The following PLEKHM2 variants were observed in gnomAD, a reference collection of about 807,000 sequenced individuals.
The protein encoded by PLEKHM2 is pleckstrin homology domain-containing family M member 2.
PLEKHM2 carries 77 observed loss-of-function variants against 116.3 expected under a neutral mutation model. That is an observed-to-expected ratio of 0.66 (90% CI 0.55 to 0.80). The LOEUF is 0.80. Ranked by LOEUF, PLEKHM2 falls within the 30% of genes least tolerant of loss-of-function variation. PLEKHM2 has a pLI of 0.00. For synonymous variants in PLEKHM2, 562 were observed against 571.0 expected, an observed-to-expected ratio of 0.98 and a Z score of 0.22; for missense variants, 1,183 against 1,354.9, an observed-to-expected ratio of 0.87 and a Z score of 1.99.
At chr1:15,710,839 G>A (rs1020498002) in intron 1 of PLEKHM2, among the ~76,000 whole-genome samples, 3 of 152,232 alleles carry the variant, frequency 2.0e-5, no homozygotes, top group Non-Finnish European at 4.4e-5. Context: ...CCAGCAGGCT[G>A]AGGTGAGAGG....
rs1014117394 is a variant in PLEKHM2, at chr1:15,728,575, C to A, written c.1922-94C>A. 8.5e-7 allele frequency: 1 copy of A among 1,181,174 alleles called. No individual in the cohort carries two copies. The highest frequency in any genetic ancestry group is 2.0e-5 in the Admixed American group (1 of 49,610). The allele number at this position is 1,181,174 out of a possible 1,614,324, so 73.2% of individuals were successfully genotyped here. A position where few individuals can be genotyped will look rare whatever the true frequency, so the allele number is the denominator to read the frequency against. ...TCTCCTACTGCAGGGCAAGGAGAGG[C>A]CCTCTAAGAGAGGGGGCTGTGTCTA... On this transcript the variant is annotated intron_variant, in intron 11 of 19. Transcript: ENST00000375799. This position sits in a 1 kb window ranked among gnomAD's most constrained non-coding sequence, Gnocchi z 5.9.
chr1:15,714,377 C>T (rs1244561195), intron 1 of PLEKHM2, among the ~76,000 whole-genome samples: 3 of 151,426 alleles, frequency 2.0e-5, no homozygotes, highest in Non-Finnish European at 4.4e-5. Context: ...AAAGCTCTAC[C>T]CCAGTGTGGT....
rs1466506194 is a variant in PLEKHM2 at position 15,729,221 on chromosome 1, T to C, written c.2075+31T>C. On this transcript the variant is annotated intron_variant, in intron 13 of 19. Transcript: ENST00000375799. The surrounding 1 kb of genome is among the most constrained non-coding windows in gnomAD (Gnocchi z 4.7). ...TGGCAACCCCGCCCCTCTGGAAGGA[T>C]TGGAGAGTTCGCAGCCGCCCATAGG... 2 of 1,585,350 alleles carry C rather than the reference T, an allele frequency of 1.3e-6. No homozygotes were observed. The highest frequency in any genetic ancestry group is 1.7e-6 in the Non-Finnish European group (2 of 1,162,494).
In PLEKHM2 at chr1:15,721,097, C is replaced by A; in HGVS notation, c.653-232C>A. 2.0e-6 allele frequency: 1 copy of A among 493,028 alleles called. No individual in the cohort carries two copies. Among genetic ancestry groups the A allele is most frequent in the African/African-American group, 2.0e-5 (1 of 50,740 alleles). The allele number at this position is 493,028 out of a possible 1,614,324, so 30.5% of individuals were successfully genotyped here. On this transcript the variant is annotated intron_variant, in intron 6 of 19. Transcript: ENST00000375799. The surrounding 1 kb of genome is among the most constrained non-coding windows in gnomAD (Gnocchi z 5.1). ...CCAGCTTCTGGATGTGGAAAGGGGT[C>A]ACCCTGACAGGTCTTTCCAGCTGGT... is the stretch of plus-strand genomic sequence containing the variant.
At chr1:15,711,664 T>A (rs1421557663) in intron 1 of PLEKHM2, among the ~76,000 whole-genome samples, 1 of 151,140 alleles carries the variant, frequency 6.6e-6, no homozygotes, top group African/African-American at 2.4e-5. Flanking sequence ...AATCTTACAT[T>A]GGGAAAAATG....
chr1:15,705,749 G>A (rs546456715), intron 1 of PLEKHM2, among the ~76,000 whole-genome samples: 8 of 152,218 alleles, frequency 5.3e-5, no homozygotes, highest in South Asian at 2.1e-4. Flanking sequence ...CTCCTAACCA[G>A]CCTCTGCCTC....
intron 19 of PLEKHM2, among the ~76,000 whole-genome samples, chr1:15,733,040 A>G (rs916374668): frequency 2.6e-5 from 4 of 152,098 alleles, no homozygotes; most frequent in African/African-American, 7.2e-5. Flanking sequence ...GGGCCCTGGG[A>G]GGTGGGTGTG....
intron 1 of PLEKHM2, among the ~76,000 whole-genome samples, chr1:15,715,320 A>T (rs1392365433): frequency 6.6e-6 from 1 of 152,226 alleles, no homozygotes; most frequent in Admixed American, 6.5e-5. Context: ...ACTGCACTCC[A>T]GCCTGCATGA....
Position 15,719,387 on chromosome 1 carries a change from A to C in PLEKHM2, c.466-347A>C, listed in dbSNP as rs1289446690. 1.3e-5 allele frequency among the ~76,000 whole-genome samples: 2 copies of C among 151,930 alleles called. No individual in the cohort carries two copies. Among genetic ancestry groups the C allele is most frequent in the African/African-American group, 4.8e-5 (2 of 41,372 alleles). ...GAATCGCTCGAACCCGGGAGGTGGA[A>C]GTTGCAGTGAGCCGAGCCACGTCAT... On this transcript the variant is annotated intron_variant, in intron 5 of 19. Transcript: ENST00000375799. The surrounding 1 kb of genome is among the most constrained non-coding windows in gnomAD (Gnocchi z 4.1).
intron 6 of PLEKHM2, chr1:15,720,600 A>G (rs2148362140): frequency 2.6e-6 from 1 of 384,672 alleles, no homozygotes; most frequent in Non-Finnish European, 3.6e-6. Flanking sequence ...TATCTCCTGT[A>G]GGAGACCAGA....
chr1:15,703,437 G>A (rs1374440678), intron 1 of PLEKHM2, among the ~76,000 whole-genome samples: 2 of 152,206 alleles, frequency 1.3e-5, no homozygotes, highest in Non-Finnish European at 2.9e-5. Flanking sequence ...TGACAGCAGA[G>A]TTAGAATCCA....
In PLEKHM2 at chr1:15,729,321, T is replaced by C; in HGVS notation, c.2075+131T>C. ...GAGGGGAAACCAGATGTATTCCCTCTGGAACCTGCATCTGCTCAGAGAGGC... is the reference window on the plus strand; with the variant it reads ...GAGGGGAAACCAGATGTATTCCCTCCGGAACCTGCATCTGCTCAGAGAGGC... On this transcript the variant is annotated intron_variant, in intron 13 of 19. Coordinates refer to ENST00000375799, the MANE Select transcript of PLEKHM2 (RefSeq NM_015164.4). The surrounding 1 kb of genome is among the most constrained non-coding windows in gnomAD (Gnocchi z 4.7). The C allele has an allele frequency of 4.0e-6, 3 of 751,044 alleles. No homozygotes were observed. The highest frequency in any genetic ancestry group is 1.6e-5 in the South Asian group (1 of 63,772). 46.5% of individuals were successfully genotyped at this position (751,044 alleles called of 1,614,324 possible). A position where few individuals can be genotyped will look rare whatever the true frequency, so the allele number is the denominator to read the frequency against.
chr1:15,732,777 G>C, intron 19 of PLEKHM2, 49 bp downstream of exon 19: 2 of 1,267,138 alleles, frequency 1.6e-6, no homozygotes, highest in Non-Finnish European at 2.2e-6. Flanking sequence ...TGTGGAGTGG[G>C]AGCCACTCCC....
chr1:15,684,281 C>G (rs1182185820), upstream of PLEKHM2: 2 of 153,078 alleles, frequency 1.3e-5, no homozygotes, highest in East Asian at 3.9e-4. Flanking sequence ...TGGCGCCGCC[C>G]CGCCTGACAT....
At chr1:15,685,541 G>GAAAAAAAAAAAAAAAAAAAAA (rs200301672) in intron 1 of PLEKHM2, among the ~76,000 whole-genome samples, 129 of 72,792 alleles carry the variant, frequency 1.8e-3, no homozygotes, top group Middle Eastern at 0.015. Context: ...CTCAGAAACT[G>GAAAAAAAAAAAAAAAAAAAAA]AAAAAAAAAA....
At chr1:15,702,480 A>G (rs1049560169) in intron 1 of PLEKHM2, among the ~76,000 whole-genome samples, 1 of 151,960 alleles carries the variant, frequency 6.6e-6, no homozygotes, top group African/African-American at 2.4e-5. Context: ...CAGTGGCACA[A>G]TCTCAGCTCA....
Position 15,732,007 on chromosome 1 carries a change from G to A in PLEKHM2, c.2584G>A (p.Ala862Thr), listed in dbSNP as rs1442651428. The A allele has an allele frequency of 1.2e-6, 2 of 1,612,448 alleles. No homozygotes were observed. Among genetic ancestry groups the A allele is most frequent in the South Asian group, 2.2e-5 (2 of 91,074 alleles). Residue 862 changes from alanine to threonine, a missense_variant, in exon 17 of 20, where the codon GCC becomes ACC. Coordinates refer to ENST00000375799, the MANE Select transcript of PLEKHM2 (RefSeq NM_015164.4). ...ELSAESEAEMAEWMQHLCQAV... is the reference protein window; with the variant it reads ...ELSAESEAEMTEWMQHLCQAV... ...AAGTGCCGAGAGCGAGGCCGAGATG[G>A]CCGAGTGGATGCAGCATCTCTGCCA...
Position 15,717,880 on chromosome 1 carries a change from C to T in PLEKHM2, c.278-13C>T, listed in dbSNP as rs371787019. ...GAGGCCTTCCTGCCGGTTACTCCTG[C>T]CTTTGTTTGCAGGCCGTGCCTGGCT... is the stretch of plus-strand genomic sequence containing the variant. On this transcript the variant is annotated splice_polypyrimidine_tract_variant and intron_variant, in intron 3 of 19. Transcript: ENST00000375799. 22 of 1,557,462 alleles carry T rather than the reference C, an allele frequency of 1.4e-5. No individual in the cohort carries two copies. In the African/African-American group the frequency reaches 3.0e-4, roughly 21 times the overall value.
rs1299409518 is a variant in PLEKHM2 at position 15,733,876 on chromosome 1, C to T, written c.3002C>T (p.Ala1001Val). Reference protein sequence around the residue: ...FEDALSLIHSAWQRSDSLCRG... With the variant: ...FEDALSLIHSVWQRSDSLCRG... ...GATGCCTTGAGCCTCATCCACAGCG[C>T]CTGGCAGCGGAGCGACAGTCTCTGC... The change falls in exon 20 of 20, where the codon GCC becomes GTC. Residue 1001 changes from alanine to valine, a missense_variant. Coordinates refer to ENST00000375799, the MANE Select transcript of PLEKHM2 (RefSeq NM_015164.4). 4 of 1,612,908 alleles carry T rather than the reference C, an allele frequency of 2.5e-6. No homozygotes were observed. In the African/African-American group the frequency reaches 4.0e-5, roughly 16 times the overall value.
Sources: gnomAD v4.1 joint callset for allele counts (sites outside exome capture counted in the v4.1 genomes callset) on GRCh38, gnomAD v4.1.1 for gene constraint, Gnocchi (gnomAD v3.1) non-coding constraint, MANE v1.5 for transcripts, NCBI Gene and HGNC (gene_info 2026-07-23, HGNC 2026-07-21) for gene names.